LSM10: variants seen among roughly 807,000 people sequenced by gnomAD.
LSM10 encodes U7 snRNA-associated Sm-like protein LSm10.
LSM10 carries 4 observed loss-of-function variants against 5.2 expected under a neutral mutation model. That is an observed-to-expected ratio of 0.77 (90% CI 0.38 to 1.77). LSM10 has a LOEUF of 1.77. Ranked by LOEUF, LSM10 falls within the 40% of genes most tolerant of loss-of-function variation. LSM10 has a pLI of 0.04. For synonymous variants in LSM10, 63 were observed against 67.4 expected (o/e 0.94, Z 0.32); for missense variants, 150 against 171.6 (o/e 0.87, Z 0.70).
chr1:36,393,820 C>T lies in LSM10; in HGVS notation c.310G>A (p.Val104Met), dbSNP rs1647138786. The change falls in exon 2 of 2, where the codon GTG becomes ATG. Residue 104 changes from valine to methionine, a missense_variant. By Grantham distance (21) the Val-to-Met change is conservative (BLOSUM62 1). Coordinates refer to ENST00000315732, the MANE Select transcript of LSM10 (RefSeq NM_032881.3). ...TGGCCCTTGCCACCAAAGTTTCGCA[C>T]CCGATGGATAATCTGCAGCTGCTGC... ...IEQQLQIIHR[V>M]RNFGGKGQGR... The T allele has an allele frequency of 5.6e-6, 9 of 1,614,210 alleles. No homozygotes were observed. Among genetic ancestry groups the T allele is most frequent in the Non-Finnish European group, 7.6e-6 (9 of 1,180,040 alleles).
At position 36,393,859 on chromosome 1, in the gene LSM10, T is replaced by C. The variant is rs893249026; in HGVS notation, c.271A>G (p.Thr91Ala). The change falls in exon 2 of 2, where the codon ACC becomes GCC. Residue 91 changes from threonine to alanine, a missense_variant. Coordinates refer to ENST00000315732, the MANE Select transcript of LSM10 (RefSeq NM_032881.3). Reference sequence around the variant, plus strand: ...TGCAGCTGCTGCTCAATGGTCGAGGTGATGTTCACGTCATCTGGGATGTGG... The same window carrying C: ...TGCAGCTGCTGCTCAATGGTCGAGGCGATGTTCACGTCATCTGGGATGTGG... ...YVHIPDDVNI[T>A]STIEQQLQII... 2.5e-6 allele frequency: 4 copies of C among 1,614,084 alleles called. No individual in the cohort carries two copies. The African/African-American group carries it at 5.3e-5, about 22-fold the overall frequency.
rs57532655 is a variant in LSM10 at position 36,395,775 on chromosome 1, CA to C, written c.-24-1623del. Among the ~76,000 whole-genome samples the C allele has an allele frequency of 1.2e-3, 152 of 128,790 alleles. 1 individual carries two copies. The highest frequency in any genetic ancestry group is 1.6e-3 in the African/African-American group (55 of 33,732). 84.5% of individuals were successfully genotyped at this position (128,790 alleles called of 152,430 possible). A position where few individuals can be genotyped will look rare whatever the true frequency, so the allele number is the denominator to read the frequency against. On this transcript the variant is annotated intron_variant, in intron 1 of 1. Coordinates refer to ENST00000315732, the MANE Select transcript of LSM10 (RefSeq NM_032881.3). ...CCTGGGTAACAGAGAGACTCTGTCT[CA>C]AAAAAAAAAAAAAAGAAAATCCATA... is the stretch of plus-strand genomic sequence containing the variant.
chr1:36,395,391 T>TA (rs1313212719), intron 1 of LSM10, among the ~76,000 whole-genome samples: 1 of 152,178 alleles, frequency 6.6e-6, no homozygotes, highest in Admixed American at 6.6e-5. Flanking sequence ...ACATTAATTT[T>TA]AAAAAATCAA....
intron 1 of LSM10, among the ~76,000 whole-genome samples, chr1:36,394,659 T>C (rs1647145395): frequency 6.6e-6 from 1 of 150,880 alleles, no homozygotes; most frequent in Admixed American, 6.6e-5. Flanking sequence ...GCAAAAAAAA[T>C]TAGCCGAGTG....
intron 1 of LSM10, among the ~76,000 whole-genome samples, chr1:36,394,800 A>G (rs1468833952): frequency 6.7e-6 from 1 of 148,492 alleles, no homozygotes. Flanking sequence ...AAAAAGAAAA[A>G]CCTATAAGAA....
At chr1:36,394,267 T>G in intron 1 of LSM10, 114 bp from the exon 2 acceptor site, 1 of 986,722 alleles carries the variant, frequency 1.0e-6, no homozygotes, top group South Asian at 1.7e-5. Context: ...TCTGCAATTT[T>G]TGTATCTGTG....
In LSM10 at chr1:36,393,719, T is replaced by G; in HGVS notation, c.*39A>C. The stretch of plus-strand genomic sequence containing the variant: ...GCAGGGAACTAGCTCCGGAGATCAC[T>G]GGAGGACTCCGAGTTGGGGCCAGGG... On this transcript the variant is annotated 3_prime_UTR_variant, in exon 2 of 2. Transcript: ENST00000315732. 1 of 1,605,830 alleles carries G rather than the reference T, an allele frequency of 6.2e-7. No individual in the cohort carries two copies. The highest frequency in any genetic ancestry group is 1.1e-5 in the South Asian group (1 of 90,146).
chr1:36,393,935 A>C lies in LSM10; in HGVS notation c.195T>G (p.His65Gln), dbSNP rs776437905. 3 of 1,614,224 alleles carry C rather than the reference A, an allele frequency of 1.9e-6. No individual in the cohort carries two copies. Among genetic ancestry groups the C allele is most frequent in the Non-Finnish European group, 2.5e-6 (3 of 1,180,048 alleles). Reference protein sequence around the residue: ...AKVTYTDRWGHQVKLDDLFVT... With the variant: ...AKVTYTDRWGQQVKLDDLFVT... ...CAAAGAGGTCATCCAGCTTGACCTG[A>C]TGCCCCCAACGGTCCGTGTAGGTGA... Residue 65 changes from histidine (H) to glutamine (Q), a missense_variant, in exon 2 of 2, where the codon CAT becomes CAG. By Grantham distance (24) the His-to-Gln change is conservative (BLOSUM62 0). Coordinates refer to ENST00000315732, the MANE Select transcript of LSM10 (RefSeq NM_032881.3).
At position 36,393,755 on chromosome 1, in the gene LSM10, G is replaced by T; in HGVS notation, c.*3C>A. The T allele has an allele frequency of 6.2e-7, 1 of 1,613,368 alleles. No homozygotes were observed. Among genetic ancestry groups the T allele is most frequent in the Non-Finnish European group, 8.5e-7 (1 of 1,179,646 alleles). On this transcript the variant is annotated 3_prime_UTR_variant, in exon 2 of 2. Coordinates refer to ENST00000315732, the MANE Select transcript of LSM10 (RefSeq NM_032881.3). Reference sequence around the variant, plus strand: ...GAGTTGGGGCCAGGGCTTGCTGAGGGCCTCACTTACAGTTTTTTGGGGGAA... The same window carrying T: ...GAGTTGGGGCCAGGGCTTGCTGAGGTCCTCACTTACAGTTTTTTGGGGGAA...
chr1:36,394,325 T>C (rs151094810), intron 1 of LSM10, among the ~76,000 whole-genome samples, 172 bp from the exon 2 acceptor site: 2 of 152,176 alleles, frequency 1.3e-5, no homozygotes, highest in East Asian at 1.9e-4. Context: ...CACACCAACT[T>C]GCAAGCCAAG....
intron 1 of LSM10, among the ~76,000 whole-genome samples, chr1:36,395,971 C>T (rs1647155215): frequency 6.6e-6 from 1 of 151,850 alleles, no homozygotes; most frequent in African/African-American, 2.4e-5. Context: ...CCTGTAATCC[C>T]AGCACTTTGG....
Position 36,394,122 on chromosome 1 carries a change from AC to A in LSM10, c.7del (p.Val3Ter). On this transcript the variant is annotated frameshift_variant, in exon 2 of 2. Coordinates refer to ENST00000315732, the MANE Select transcript of LSM10 (RefSeq NM_032881.3). LOFTEE classifies it high-confidence loss of function. ...GGTCCGCTCCTTCACTGAATGGCTC[AC>A]CGCCATTCTTCCACACCAGCTGCCT... MA[V>X]SHSVKERTIS... 2 of 1,608,322 alleles carry A rather than the reference AC, an allele frequency of 1.2e-6. No homozygotes were observed. Among genetic ancestry groups the A allele is most frequent in the Non-Finnish European group, 1.7e-6 (2 of 1,177,090 alleles).
Position 36,393,656 on chromosome 1 carries a change from G to A in LSM10, c.*102C>T. On this transcript the variant is annotated 3_prime_UTR_variant, in exon 2 of 2. Coordinates refer to ENST00000315732, the MANE Select transcript of LSM10 (RefSeq NM_032881.3). ...CTGTTGGACACCAGCTTCTGGCCTG[G>A]CCCTGCTTTCTTCTCGGGTACCAGA... The A allele has an allele frequency of 6.7e-7, 1 of 1,498,242 alleles. No homozygotes were observed. The highest frequency in any genetic ancestry group is 1.3e-5 in the South Asian group (1 of 79,872). 92.8% of individuals were successfully genotyped at this position (1,498,242 alleles called of 1,614,324 possible). A position where few individuals can be genotyped will look rare whatever the true frequency, so the allele number is the denominator to read the frequency against.
chr1:36,394,821 A>G (rs1052614073), intron 1 of LSM10, among the ~76,000 whole-genome samples: 6 of 147,192 alleles, frequency 4.1e-5, no homozygotes, highest in African/African-American at 1.5e-4. Context: ...AACGGTGAGC[A>G]TTGGCCGGGC....
chr1:36,394,321 A>C (rs1168271220), intron 1 of LSM10, among the ~76,000 whole-genome samples, 168 bp from the exon 2 acceptor site: 1 of 152,170 alleles, frequency 6.6e-6, no homozygotes, highest in Non-Finnish European at 1.5e-5. Context: ...TCCTCACACC[A>C]ACTTGCAAGC....
intron 1 of LSM10, among the ~76,000 whole-genome samples, chr1:36,395,345 G>A (rs1428552055): frequency 1.3e-5 from 2 of 151,982 alleles, no homozygotes; most frequent in Non-Finnish European, 2.9e-5. Flanking sequence ...CAAATTATTA[G>A]GACTAACAAC....
chr1:36,394,533 A>T (rs1012730962), intron 1 of LSM10, among the ~76,000 whole-genome samples: 2 of 152,168 alleles, frequency 1.3e-5, no homozygotes, highest in African/African-American at 2.4e-5. Context: ...AAGGCTGGGC[A>T]TGGTGGCTCA....
rs1647137935 is a variant in LSM10, at chr1:36,393,740, C to T, written c.*18G>A. 6.2e-7 allele frequency: 1 copy of T among 1,611,518 alleles called. No homozygotes were observed. Among genetic ancestry groups the T allele is most frequent in the Non-Finnish European group, 8.5e-7 (1 of 1,178,666 alleles). On this transcript the variant is annotated 3_prime_UTR_variant, in exon 2 of 2. Transcript: ENST00000315732. ...TCACTGGAGGACTCCGAGTTGGGGC[C>T]AGGGCTTGCTGAGGGCCTCACTTAC... is the stretch of plus-strand genomic sequence containing the variant.
chr1:36,394,252 C>A (rs895326159), intron 1 of LSM10, 99 bp from the exon 2 acceptor site: 5 of 1,141,038 alleles, frequency 4.4e-6, no homozygotes, highest in Non-Finnish European at 6.1e-6. Flanking sequence ...CCAGCACAGA[C>A]CACCTCTGCA....
Sources: gnomAD v4.1 joint callset for allele counts (sites outside exome capture counted in the v4.1 genomes callset) on GRCh38, gnomAD v4.1.1 for gene constraint, MANE v1.5 for transcripts, NCBI Gene and HGNC (gene_info 2026-07-23, HGNC 2026-07-21) for gene names.